Variants in MTCL1 observed in about 807,000 individuals in gnomAD.
The protein encoded by MTCL1 is microtubule crosslinking factor 1.
A neutral mutation model predicts 141.4 loss-of-function variants in MTCL1; 79 were observed. The ratio of observed to expected loss-of-function variants is 0.56; its 90% CI spans 0.47 to 0.67. The LOEUF (loss-of-function observed/expected upper bound fraction) is 0.67, where lower values mean the gene tolerates loss of function less well. Among genes scored for constraint, MTCL1 ranks in the 30% least tolerant of loss-of-function variants. The pLI, the probability that MTCL1 is intolerant of heterozygous loss-of-function variation, is 0.00. For missense variants in MTCL1, 2,177 were observed against 2,113.9 expected, an observed-to-expected ratio of 1.03 and a Z score of -0.59; for synonymous variants, 914 against 875.8, an observed-to-expected ratio of 1.04 and a Z score of -0.77.
chr18:8,721,095 T>C (rs771228669), intron 4 of MTCL1, among the ~76,000 whole-genome samples: 25 of 152,374 alleles, frequency 1.6e-4, no homozygotes, highest in Non-Finnish European at 3.4e-4. Context: ...ATATATTTTT[T>C]TCATTTGCAT....
At chr18:8,831,478 A>G (rs1189977374) in intron 16 of MTCL1, 129 bp from the exon 15 acceptor site, 2 of 1,448,820 alleles carry the variant, frequency 1.4e-6, no homozygotes, top group Non-Finnish European at 1.8e-6. Context: ...GAAAGTAGTT[A>G]ATATTCACGA....
At chr18:8,801,999 G>C (rs1333338503) in intron 10 of MTCL1, 1 of 152,146 alleles carries the variant, frequency 6.6e-6, no homozygotes, top group Non-Finnish European at 1.5e-5. Flanking sequence ...TTCTCTGTAG[G>C]GGATAATGGT....
chr18:8,798,711 A>G (rs2076011806), intron 10 of MTCL1, among the ~76,000 whole-genome samples: 2 of 152,202 alleles, frequency 1.3e-5, no homozygotes, highest in Non-Finnish European at 1.5e-5. Context: ...CCCACTTGAA[A>G]CATAATGCTC....
At chr18:8,744,227 C>T (rs1347966084) in intron 4 of MTCL1, among the ~76,000 whole-genome samples, 3 of 152,270 alleles carry the variant, frequency 2.0e-5, no homozygotes, top group African/African-American at 4.8e-5. Flanking sequence ...TAGGTGCATG[C>T]GGTTAGCTGC....
rs145848170 is a variant in MTCL1 at position 8,720,102 on chromosome 18, G to C, written c.199-236G>C. 8.8e-6 allele frequency: 4 copies of C among 456,502 alleles called. No homozygotes were observed. The East Asian group carries it at 1.1e-4, about 12-fold the overall frequency. 28.3% of individuals were successfully genotyped at this position (456,502 alleles called of 1,614,324 possible). Reference sequence around the variant, plus strand: ...ACTTTAGTGACACTAAGGTTAGCACGTTCTGATAATGCACCACCATCAGAC... The same window carrying C: ...ACTTTAGTGACACTAAGGTTAGCACCTTCTGATAATGCACCACCATCAGAC... On this transcript the variant is annotated intron_variant, in intron 3 of 16. Coordinates refer to ENST00000359865, the Ensembl canonical transcript of MTCL1.
chr18:8,784,155 T>C lies in MTCL1; in HGVS notation c.1043T>C (p.Leu348Pro), dbSNP rs528678574. ...TCAGCCAGGCTGCAGATCAGCGAGC[T>C]CAGCGGCAAGGTGCTCAAACTGCAG... Residue 348 changes from leucine to proline, a missense_variant, in exon 6 of 17, where the codon CTC becomes CCC. Physicochemically the swap from Leu to Pro is moderately conservative, Grantham distance 98 (BLOSUM62 -3). Coordinates refer to ENST00000359865, the Ensembl canonical transcript of MTCL1. 1.9e-6 allele frequency: 3 copies of C among 1,613,712 alleles called. No homozygotes were observed. In the Admixed American group the frequency reaches 5.0e-5, roughly 27 times the overall value.
At chr18:8,824,443 G>C (rs1213374105) in intron 14 of MTCL1, among the ~76,000 whole-genome samples, 1 of 152,238 alleles carries the variant, frequency 6.6e-6, no homozygotes, top group South Asian at 2.1e-4. Flanking sequence ...GGGATTACGG[G>C]TGTGAGCCAG....
At chr18:8,744,815 A>T (rs770268394) in intron 4 of MTCL1, among the ~76,000 whole-genome samples, 49 of 152,152 alleles carry the variant, frequency 3.2e-4, no homozygotes, top group Admixed American at 7.9e-4. Flanking sequence ...TGTTGCAAGG[A>T]TGTGGGTTAC....
chr18:8,803,780 A>G (rs909043689), intron 10 of MTCL1, among the ~76,000 whole-genome samples: 4 of 152,254 alleles, frequency 2.6e-5, no homozygotes, highest in Admixed American at 6.5e-5. Context: ...GCAAATATGC[A>G]TAAATCATTA....
intron 4 of MTCL1, among the ~76,000 whole-genome samples, chr18:8,738,359 A>T (rs896557470): frequency 6.6e-6 from 1 of 152,098 alleles, no homozygotes; most frequent in Non-Finnish European, 1.5e-5. Context: ...GTGGTGGGAA[A>T]CTCATGAGTA....
intron 4 of MTCL1, among the ~76,000 whole-genome samples, chr18:8,773,897 A>G (rs1453155890): frequency 6.6e-6 from 1 of 152,194 alleles, no homozygotes; most frequent in Non-Finnish European, 1.5e-5. Context: ...ACCAGCACCG[A>G]ACCATTGTAT....
At chr18:8,818,691 A>G (rs572352996) in intron 12 of MTCL1, among the ~76,000 whole-genome samples, 1 of 152,382 alleles carries the variant, frequency 6.6e-6, no homozygotes, top group Non-Finnish European at 1.5e-5. Context: ...GTTATGTACA[A>G]TAACACATAT....
intron 4 of MTCL1, among the ~76,000 whole-genome samples, chr18:8,762,438 A>G (rs1041498062): frequency 6.6e-6 from 1 of 152,248 alleles, no homozygotes; most frequent in African/African-American, 2.4e-5. Context: ...AACATTATTC[A>G]ATGTTCAGGA....
intron 7 of MTCL1, among the ~76,000 whole-genome samples, chr18:8,788,999 T>C (rs148602144): frequency 6.6e-6 from 1 of 152,264 alleles, no homozygotes; most frequent in Non-Finnish European, 1.5e-5. Flanking sequence ...GTGTGTAGAA[T>C]GGTTTGGAAT....
rs144398895 is a variant in MTCL1 at position 8,777,609 on chromosome 18, A to T, written c.358-224A>T. Among the ~76,000 whole-genome samples the T allele has an allele frequency of 1.1e-3, 170 of 152,346 alleles. No homozygotes were observed. The Middle Eastern group carries it at 0.017, about 15-fold the overall frequency. On this transcript the variant is annotated intron_variant, in intron 4 of 16. Transcript: ENST00000359865. ...CAAATACAATAATTAGGATTTTAAG[A>T]ATCTTAAGATTCAGAGACCTCATCT...
At chr18:8,746,105 A>G (rs746666262) in intron 4 of MTCL1, among the ~76,000 whole-genome samples, 53 of 152,198 alleles carry the variant, frequency 3.5e-4, no homozygotes, top group Non-Finnish European at 6.5e-4. Flanking sequence ...ATAATATTCT[A>G]TGGTACTCCA....
chr18:8,731,731 CAG>C (rs2096251728), intron 4 of MTCL1, among the ~76,000 whole-genome samples: 1 of 151,786 alleles, frequency 6.6e-6, no homozygotes, highest in Non-Finnish European at 1.5e-5. Context: ...TTTTTTGAGA[CAG>C]AGTCCCACCC....
chr18:8,818,346 T>A lies in MTCL1; in HGVS notation c.2860-617T>A, dbSNP rs1463973149. 2.7e-5 allele frequency among the ~76,000 whole-genome samples: 4 copies of A among 146,840 alleles called. No individual in the cohort carries two copies. The East Asian group carries it at 7.8e-4, about 29-fold the overall frequency. The stretch of plus-strand genomic sequence containing the variant: ...AAGTATGACTCTAACGTAATGTGGC[T>A]TTTTTTTTTTCTTCACTCAGTCATA... On this transcript the variant is annotated intron_variant, in intron 12 of 16. Coordinates refer to ENST00000359865, the Ensembl canonical transcript of MTCL1.
At chr18:8,738,838 T>C (rs992785265) in intron 4 of MTCL1, among the ~76,000 whole-genome samples, 2 of 152,180 alleles carry the variant, frequency 1.3e-5, no homozygotes, top group Non-Finnish European at 2.9e-5. Context: ...AATTAAAACC[T>C]TGGGCAGCCA....
Sources: allele counts gnomAD v4.1 joint callset (sites outside exome capture counted in the v4.1 genomes callset), GRCh38; gene constraint gnomAD v4.1.1; transcripts MANE v1.5; gene names NCBI Gene and HGNC (gene_info 2026-07-23, HGNC 2026-07-21).